PXDN: variants seen among roughly 807,000 people sequenced by gnomAD.
PXDN encodes the protein peroxidasin, also known as peroxidasin homolog.
PXDN carries 77 observed loss-of-function variants against 140.3 expected under a neutral mutation model. The observed-to-expected ratio is 0.55, with a 90% CI of 0.46 to 0.66. The LOEUF (loss-of-function observed/expected upper bound fraction) is 0.66. PXDN is among the 30% of genes least tolerant of loss of function. The probability of loss-of-function intolerance (pLI) is 0.00; values close to 1 mark genes in which losing one functional copy is unlikely to be tolerated. For missense variants in PXDN, 1,838 were observed against 2,039.5 expected (o/e 0.90, Z 1.90); for synonymous variants, 911 against 857.4 (o/e 1.06, Z -1.09).
intron 9 of PXDN, 61 bp from the exon 10 acceptor site, chr2:1,666,547 G>T (rs1255985067): frequency 1.3e-6 from 2 of 1,508,008 alleles, no homozygotes; most frequent in Non-Finnish European, 1.8e-6. Flanking sequence ...GTTTTTGCTT[G>T]ATTTTTCCTA....
chr2:1,719,975 A>G (rs866309471), intron 1 of PXDN, among the ~76,000 whole-genome samples: 2 of 75,868 alleles, frequency 2.6e-5, no homozygotes, highest in African/African-American at 9.5e-5. Context: ...ATGCACAGAG[A>G]GAGGGAGGGA....
At chr2:1,717,613 T>TA (rs34058812) in intron 1 of PXDN, among the ~76,000 whole-genome samples, 121,297 of 152,016 alleles carry the variant, frequency 0.8, 48,901 homozygotes, top group East Asian at 0.95. Flanking sequence ...GGTCTTCTAA[T>TA]AATGCAGACA....
intron 1 of PXDN, among the ~76,000 whole-genome samples, chr2:1,697,978 A>G (rs1186543808): frequency 6.6e-6 from 1 of 152,234 alleles, no homozygotes; most frequent in Non-Finnish European, 1.5e-5. Flanking sequence ...TGGAACACAG[A>G]TGAACACTGA....
rs1438207419 is a variant in PXDN, at chr2:1,634,036, C to G, written c.*168G>C. The G allele has an allele frequency of 9.8e-7, 1 of 1,021,698 alleles. No individual in the cohort carries two copies. 63.3% of individuals were successfully genotyped at this position (1,021,698 alleles called of 1,614,324 possible). On this transcript the variant is annotated 3_prime_UTR_variant, in exon 23 of 23. Transcript: ENST00000252804. ...CTGTGCCTCCTTCTCCGCAGATGCT[C>G]TGGTTGGAAGCCTCCTGCACTGCCT...
rs371106027 is a variant in PXDN at position 1,649,436 on chromosome 2, T to A, written c.2344A>T (p.Asn782Tyr). ...TGCCCGTTGTACAGTCGGTGGGGGTTGATGCCCCGAGGGGTGTTGAAGCCA... is the reference window on the plus strand; with the variant it reads ...TGCCCGTTGTACAGTCGGTGGGGGTAGATGCCCCGAGGGGTGTTGAAGCCA... ...ENGFNTPRGINPHRLYNGHAL... is the reference protein window; with the variant it reads ...ENGFNTPRGIYPHRLYNGHAL... The change falls in exon 17 of 23, where the codon AAC (asparagine) becomes TAC (tyrosine). Residue 782 changes from asparagine (N) to tyrosine (Y), a missense_variant. By Grantham distance (143) the Asn-to-Tyr change is moderately radical (BLOSUM62 -2). This residue lies in a region of PXDN where 537 missense variants were observed against 583.9 expected (regional missense o/e 0.92). Coordinates refer to ENST00000252804, the MANE Select transcript of PXDN (RefSeq NM_012293.3). The surrounding 1 kb of genome is among the most constrained non-coding windows in gnomAD (Gnocchi z 7.1). 4.3e-6 allele frequency: 7 copies of A among 1,613,892 alleles called. No individual in the cohort carries two copies. The highest frequency in any genetic ancestry group is 5.9e-6 in the Non-Finnish European group (7 of 1,179,856).
intron 14 of PXDN, among the ~76,000 whole-genome samples, chr2:1,655,551 C>G (rs899271601): frequency 6.6e-6 from 1 of 151,358 alleles, no homozygotes; most frequent in Admixed American, 6.6e-5. Flanking sequence ...ATCTGCCCCT[C>G]CTGACAGCAA....
At chr2:1,673,941 G>A (rs908919106) in intron 8 of PXDN, 129 bp from the exon 9 acceptor site, 16 of 970,970 alleles carry the variant, frequency 1.6e-5, no homozygotes, top group Admixed American at 2.4e-5. Context: ...ACCTTCCAGG[G>A]TCTCCTCCTT....
chr2:1,647,940 G>A (rs1365775514), intron 17 of PXDN, among the ~76,000 whole-genome samples: 1 of 152,002 alleles, frequency 6.6e-6, no homozygotes, highest in Non-Finnish European at 1.5e-5. Flanking sequence ...AAAACAGGCC[G>A]GTGGAAGGGC....
At position 1,663,643 on chromosome 2, in the gene PXDN, G is replaced by A. The variant is rs547594308; in HGVS notation, c.1529C>T (p.Ser510Phe). Residue 510 changes from serine to phenylalanine, a missense_variant, in exon 12 of 23, where the codon TCC (serine) becomes TTC (phenylalanine). Ser to Phe is a radical substitution (Grantham distance 155, BLOSUM62 -2). Around this residue, in one of 5 missense-constraint regions of PXDN, gnomAD observed 537 missense variants for 583.9 expected, o/e 0.92. Coordinates refer to ENST00000252804, the MANE Select transcript of PXDN (RefSeq NM_012293.3). ...AGTCAGGTGGGCCACGACCTTCTGG[G>A]AGCCGATGATGTTGACAGCCTGGCA... ...YECQAVNIIG[S>F]QKVVAHLTVQ... The A allele has an allele frequency of 6.2e-7, 1 of 1,614,012 alleles. No individual in the cohort carries two copies. Among genetic ancestry groups the A allele is most frequent in the South Asian group, 1.1e-5 (1 of 91,084 alleles).
chr2:1,686,229 C>T (rs1027448544), intron 4 of PXDN, among the ~76,000 whole-genome samples: 6 of 152,202 alleles, frequency 3.9e-5, no homozygotes, highest in East Asian at 1.9e-4. Context: ...GGGCGGGGCT[C>T]GGGCTGCCCT....
At chr2:1,733,877 C>T (rs1558532039) in intron 1 of PXDN, among the ~76,000 whole-genome samples, 2 of 151,456 alleles carry the variant, frequency 1.3e-5, no homozygotes, top group East Asian at 1.9e-4. Context: ...CTAAAGGAAT[C>T]GATTACCAAT....
chr2:1,649,453 T>C lies in PXDN; in HGVS notation c.2327A>G (p.Asn776Ser). The C allele has an allele frequency of 1.2e-6, 2 of 1,613,942 alleles. No individual in the cohort carries two copies. Among genetic ancestry groups the C allele is most frequent in the Non-Finnish European group, 1.7e-6 (2 of 1,179,882 alleles). Residue 776 changes from asparagine (N) to serine (S), a missense_variant, in exon 17 of 23, where the codon AAC becomes AGC. By Grantham distance (46) the Asn-to-Ser change is conservative. Around this residue, in one of 5 missense-constraint regions of PXDN, gnomAD observed 537 missense variants for 583.9 expected, o/e 0.92. Transcript: ENST00000252804. This position sits in a 1 kb window ranked among gnomAD's most constrained non-coding sequence, Gnocchi z 7.1. ...GTGGGGGTTGATGCCCCGAGGGGTG[T>C]TGAAGCCATTCTCGTACACGGATTT... ...LLKSVYENGF[N>S]TPRGINPHRL...
intron 1 of PXDN, among the ~76,000 whole-genome samples, chr2:1,697,103 A>G (rs1326234232): frequency 5.3e-5 from 8 of 152,224 alleles, no homozygotes; most frequent in Non-Finnish European, 1.5e-5. Flanking sequence ...CTCCAGAATC[A>G]GAAACTCTGG....
At chr2:1,696,327 C>T (rs906858913) in intron 1 of PXDN, among the ~76,000 whole-genome samples, 5 of 152,152 alleles carry the variant, frequency 3.3e-5, no homozygotes, top group African/African-American at 1.2e-4. Context: ...AAGCTGCTCA[C>T]AGCAGTTAGA....
At chr2:1,688,319 T>C (rs1184849656) in intron 3 of PXDN, among the ~76,000 whole-genome samples, 2 of 152,192 alleles carry the variant, frequency 1.3e-5, no homozygotes, top group Non-Finnish European at 2.9e-5. Context: ...TAAATGAAGC[T>C]CTGCTGGAAC....
At chr2:1,664,507 GA>G (rs1280226520) in intron 11 of PXDN, 2 of 161,584 alleles carry the variant, frequency 1.2e-5, no homozygotes, top group African/African-American at 4.8e-5. Flanking sequence ...TCATGATGCC[GA>G]ATGGGGAGGT....
intron 17 of PXDN, among the ~76,000 whole-genome samples, chr2:1,647,071 T>A (rs966108478): frequency 5.9e-5 from 9 of 151,896 alleles, no homozygotes; most frequent in Non-Finnish European, 1.3e-4. Context: ...ATTTTTGTAG[T>A]TTTTAGTAGA....
rs1187478252 is a variant in PXDN, at chr2:1,653,613, G to A, written c.2104+15C>T. 1.2e-6 allele frequency: 2 copies of A among 1,611,784 alleles called. No homozygotes were observed. Among genetic ancestry groups the A allele is most frequent in the South Asian group, 2.2e-5 (2 of 90,122 alleles). Reference sequence around the variant, plus strand: ...CTCAGGCCATGGAGGAGGAAGAAAAGGCTTTGGCACTGACTTGTTCCGTTG... The same window carrying A: ...CTCAGGCCATGGAGGAGGAAGAAAAAGCTTTGGCACTGACTTGTTCCGTTG... On this transcript the variant is annotated intron_variant, in intron 16 of 22. Coordinates refer to ENST00000252804, the MANE Select transcript of PXDN (RefSeq NM_012293.3).
intron 1 of PXDN, among the ~76,000 whole-genome samples, chr2:1,710,855 A>G (rs374766977): frequency 1.2e-4 from 4 of 33,018 alleles, no homozygotes; most frequent in East Asian, 1.9e-3. Context: ...ACCAGCACCC[A>G]CTCCACCAGC....
Sources: allele counts gnomAD v4.1 joint callset (sites outside exome capture counted in the v4.1 genomes callset), GRCh38; gene constraint gnomAD v4.1.1; regional missense constraint gnomAD v4.1.1; non-coding constraint Gnocchi (gnomAD v3.1); transcripts MANE v1.5; gene names NCBI Gene and HGNC (gene_info 2026-07-23, HGNC 2026-07-21).